Variants in SNRPG observed in about 807,000 individuals in gnomAD.
SNRPG encodes the protein small nuclear ribonucleoprotein G.
SNRPG carries 3 observed loss-of-function variants against 13.9 expected under a neutral mutation model. That is an observed-to-expected ratio of 0.22 (90% CI 0.10 to 0.56). SNRPG has a LOEUF of 0.56. SNRPG is among the 20% of genes least tolerant of loss of function. The pLI is 0.93. For missense variants in SNRPG, 34 were observed against 96.1 expected, an observed-to-expected ratio of 0.35 and a Z score of 2.70; for synonymous variants, 29 against 29.3, an observed-to-expected ratio of 0.99 and a Z score of 0.03.
chr2:70,291,610 A>G (rs1373757564), intron 1 of SNRPG, among the ~76,000 whole-genome samples: 1 of 152,204 alleles, frequency 6.6e-6, no homozygotes, highest in Non-Finnish European at 1.5e-5. Context: ...CACCAGAAGG[A>G]GGGCATAATG....
intron 1 of SNRPG, among the ~76,000 whole-genome samples, chr2:70,291,888 C>T (rs1697106913): frequency 6.7e-6 from 1 of 149,812 alleles, no homozygotes; most frequent in African/African-American, 2.4e-5. Context: ...ATACTTACAT[C>T]ACCAAAAATA....
chr2:70,283,063 C>CCAG (rs1696837704), intron 3 of SNRPG, among the ~76,000 whole-genome samples: 1 of 125,234 alleles, frequency 8.0e-6, no homozygotes, highest in Non-Finnish European at 1.6e-5. Context: ...CCACTGCACT[C>CCAG]CAGCCTGGGC....
intron 3 of SNRPG, among the ~76,000 whole-genome samples, chr2:70,282,946 T>C (rs1247088221): frequency 6.6e-6 from 1 of 151,134 alleles, no homozygotes; most frequent in Admixed American, 6.6e-5. Context: ...AATAAAAAAT[T>C]AGCCGGGTGT....
At chr2:70,283,076 C>A (rs1201324271) in intron 3 of SNRPG, among the ~76,000 whole-genome samples, 4 of 102,442 alleles carry the variant, frequency 3.9e-5, no homozygotes, top group African/African-American at 1.6e-4. Context: ...GCCTGGGCAA[C>A]GAGCGAAACT....
chr2:70,290,562 A>G (rs1254696427), intron 1 of SNRPG, among the ~76,000 whole-genome samples: 1 of 152,104 alleles, frequency 6.6e-6, no homozygotes, highest in Non-Finnish European at 1.5e-5. Context: ...AAATGAAAAA[A>G]AGATGTTTAG....
intron 1 of SNRPG, among the ~76,000 whole-genome samples, chr2:70,291,050 CACACACACAT>C (rs1383876141): frequency 6.3e-5 from 9 of 142,842 alleles, no homozygotes; most frequent in Middle Eastern, 3.6e-3. Context: ...CACACACACA[CACACACACAT>C]ATATGAAGTA....
chr2:70,293,609 C>T lies in SNRPG; in HGVS notation c.32+9G>A, dbSNP rs1404164512. The T allele has an allele frequency of 4.3e-6, 7 of 1,613,470 alleles. No homozygotes were observed. The highest frequency in any genetic ancestry group is 5.9e-6 in the Non-Finnish European group (7 of 1,179,346). On this transcript the variant is annotated intron_variant, in intron 1 of 3. Transcript: ENST00000272348. The stretch of plus-strand genomic sequence containing the variant: ...TGACCACTTCGGTTTGGCTCTCACA[C>T]ATACTTACTTTTTCAACTCGGGAGG...
chr2:70,289,285 T>C, intron 2 of SNRPG, 65 bp downstream of exon 2: 1 of 971,930 alleles, frequency 1.0e-6, no homozygotes. Context: ...CTCCAAACAT[T>C]GCTAAGACAC....
intron 1 of SNRPG, chr2:70,293,415 C>T: frequency 1.6e-6 from 1 of 641,444 alleles, no homozygotes; most frequent in Admixed American, 2.5e-5. Flanking sequence ...GCCGTGGCTG[C>T]CGGCTGTAAC....
intron 3 of SNRPG, chr2:70,287,755 A>C (rs1398650701): frequency 2.3e-6 from 1 of 426,700 alleles, no homozygotes; most frequent in African/African-American, 2.0e-5. Context: ...GGATTCATAT[A>C]CACATTAAGG....
intron 1 of SNRPG, among the ~76,000 whole-genome samples, chr2:70,290,926 G>A (rs1289479593): frequency 7.6e-5 from 11 of 144,406 alleles, no homozygotes; most frequent in Non-Finnish European, 1.5e-4. Flanking sequence ...CAGGAGAATC[G>A]CTTGAACCCG....
chr2:70,288,956 A>T (rs56040423), intron 2 of SNRPG, among the ~76,000 whole-genome samples: 1 of 148,064 alleles, frequency 6.8e-6, no homozygotes, highest in African/African-American at 2.5e-5. Context: ...TGTGCTTTAA[A>T]TTTTTTTTTT....
intron 1 of SNRPG, chr2:70,291,159 T>C (rs1232828067): frequency 1.3e-5 from 2 of 152,324 alleles, no homozygotes; most frequent in African/African-American, 2.4e-5. Context: ...AATTATGGTC[T>C]ATCATTTCCA....
At chr2:70,291,822 C>A (rs1559046375) in intron 1 of SNRPG, among the ~76,000 whole-genome samples, 1 of 148,748 alleles carries the variant, frequency 6.7e-6, no homozygotes, top group Non-Finnish European at 1.5e-5. Flanking sequence ...AGAGAATGGT[C>A]TTTTTGTTAA....
intron 1 of SNRPG, chr2:70,292,970 G>GA (rs1421077075): frequency 5.1e-6 from 3 of 591,632 alleles, no homozygotes; most frequent in African/African-American, 1.9e-5. Context: ...TGGGTGTGTA[G>GA]AAAAAACTTC....
chr2:70,292,051 C>T (rs890403294), intron 1 of SNRPG, among the ~76,000 whole-genome samples: 4 of 150,216 alleles, frequency 2.7e-5, no homozygotes, highest in African/African-American at 9.8e-5. Flanking sequence ...GGGTTCACGC[C>T]ATTCTCCTGC....
chr2:70,282,557 T>C (rs2862185), intron 3 of SNRPG, among the ~76,000 whole-genome samples: 9,358 of 152,214 alleles, frequency 0.061, 364 homozygotes, highest in East Asian at 0.18. Flanking sequence ...ACAAAGATAG[T>C]TGGCATTCAA....
intron 1 of SNRPG, chr2:70,293,288 T>C: frequency 2.9e-6 from 2 of 689,016 alleles, no homozygotes; most frequent in Non-Finnish European, 5.3e-6. Flanking sequence ...TAGAACATGA[T>C]ACTATTCGAG....
At chr2:70,293,566 T>C in intron 1 of SNRPG, 52 bp downstream of exon 1, 1 of 1,484,658 alleles carries the variant, frequency 6.7e-7, no homozygotes, top group Non-Finnish European at 9.4e-7. Context: ...ACCAAGGGAC[T>C]CGCAGGACGC....
Sources: gnomAD v4.1 joint callset for allele counts (sites outside exome capture counted in the v4.1 genomes callset) on GRCh38, gnomAD v4.1.1 for gene constraint, MANE v1.5 for transcripts, NCBI Gene and HGNC (gene_info 2026-07-23, HGNC 2026-07-21) for gene names.